Variants in ATP2B1 observed in about 807,000 individuals in gnomAD.
ATP2B1 encodes the protein ATPase plasma membrane Ca2+ transporting 1.
In ATP2B1, 14 loss-of-function variants were observed where a neutral mutation model predicts 124.2. That is an observed-to-expected ratio of 0.11 (90% CI 0.07 to 0.18). The LOEUF (loss-of-function observed/expected upper bound fraction) is 0.18. Among genes scored for constraint, ATP2B1 ranks in the 10% least tolerant of loss-of-function variants. The pLI is 1.00. For missense variants in ATP2B1, 763 were observed against 1,466.1 expected (o/e 0.52, Z 7.83); for synonymous variants, 449 against 492.4 (o/e 0.91, Z 1.17).
At chr12:89,665,017 G>T (rs1386545145) in intron 1 of ATP2B1, among the ~76,000 whole-genome samples, 2 of 152,014 alleles carry the variant, frequency 1.3e-5, no homozygotes, top group African/African-American at 4.8e-5. Flanking sequence ...TTTTAGTAGA[G>T]ATGGGGTTTC....
chr12:89,641,907 G>A (rs1565859463), intron 3 of ATP2B1: 3 of 447,250 alleles, frequency 6.7e-6, no homozygotes. Context: ...ATAGGTCTGT[G>A]CCAGACACAT....
intron 1 of ATP2B1, among the ~76,000 whole-genome samples, chr12:89,687,024 T>A (rs545044186): frequency 1.3e-5 from 2 of 152,066 alleles, no homozygotes; most frequent in African/African-American, 2.4e-5. Context: ...AAAAAAAGGA[T>A]GTGTCTGAGC....
intron 3 of ATP2B1, among the ~76,000 whole-genome samples, chr12:89,636,717 G>T (rs1465009522): frequency 6.6e-6 from 1 of 152,138 alleles, no homozygotes; most frequent in Non-Finnish European, 1.5e-5. Flanking sequence ...AATTGGGGAT[G>T]AAATGGAAGA....
At chr12:89,598,689 G>A (rs910951645) in intron 20 of ATP2B1, 3 of 1,613,858 alleles carry the variant, frequency 1.9e-6, no homozygotes, top group Admixed American at 1.7e-5. Flanking sequence ...GAGGGTTGCC[G>A]CCTTAGAGCC....
At chr12:89,665,283 C>T (rs540671001) in intron 1 of ATP2B1, among the ~76,000 whole-genome samples, 114 of 152,200 alleles carry the variant, frequency 7.5e-4, no homozygotes, top group Non-Finnish European at 1.4e-3. Flanking sequence ...TACATAAACA[C>T]TGCAAATAAT....
intron 1 of ATP2B1, among the ~76,000 whole-genome samples, chr12:89,697,464 T>C (rs1891284296): frequency 6.6e-6 from 1 of 152,156 alleles, no homozygotes; most frequent in South Asian, 2.1e-4. Flanking sequence ...TCACTTCTGC[T>C]TTTGTAAAAA....
intron 2 of ATP2B1, among the ~76,000 whole-genome samples, chr12:89,645,103 G>T (rs945723854): frequency 2.0e-5 from 3 of 152,052 alleles, no homozygotes; most frequent in African/African-American, 4.8e-5. Context: ...ACTCTTTGGG[G>T]GTCAAGGGAG....
At chr12:89,633,165 G>A (rs2136180567) in intron 5 of ATP2B1, among the ~76,000 whole-genome samples, 1 of 152,178 alleles carries the variant, frequency 6.6e-6, no homozygotes, top group East Asian at 1.9e-4. Flanking sequence ...AAGGTAAGTA[G>A]AATGAGTTAA....
At chr12:89,703,068 T>C (rs1039502011) in intron 1 of ATP2B1, among the ~76,000 whole-genome samples, 4 of 152,158 alleles carry the variant, frequency 2.6e-5, no homozygotes, top group African/African-American at 4.8e-5. Flanking sequence ...AAGACTAAGT[T>C]TTGGAACAAA....
intron 1 of ATP2B1, among the ~76,000 whole-genome samples, chr12:89,697,697 T>C (rs1891315325): frequency 6.8e-6 from 1 of 146,104 alleles, no homozygotes; most frequent in African/African-American, 2.5e-5. Context: ...TTTTAAATAT[T>C]AGCAGTCCTC....
At chr12:89,668,196 T>C (rs553665671) in intron 1 of ATP2B1, among the ~76,000 whole-genome samples, 1 of 152,244 alleles carries the variant, frequency 6.6e-6, no homozygotes, top group African/African-American at 2.4e-5. Flanking sequence ...TCCGGAGGTT[T>C]TCTTAAAATT....
chr12:89,653,337 C>T (rs562733923), intron 2 of ATP2B1, among the ~76,000 whole-genome samples: 3 of 133,326 alleles, frequency 2.3e-5, no homozygotes, highest in Non-Finnish European at 4.6e-5. Context: ...TCGCCCAGGC[C>T]GGACTGCGGA....
rs569930384 is a variant in ATP2B1, at chr12:89,609,385, G to C, written c.2442+552C>G. Among the ~76,000 whole-genome samples the C allele has an allele frequency of 9.7e-4, 147 of 152,072 alleles. 1 individual carries two copies. Among genetic ancestry groups the C allele is most frequent in the Middle Eastern group, 6.8e-3 (2 of 294 alleles). ...AGTTTCCTGATAGTTCTAGATTTGA[G>C]AATTGTGATTATGAACCAGTATTTT... is the stretch of plus-strand genomic sequence containing the variant. On this transcript the variant is annotated intron_variant, in intron 15 of 20. Coordinates refer to ENST00000428670, the MANE Select transcript of ATP2B1 (RefSeq NM_001366521.1).
In ATP2B1 at chr12:89,671,865, G is replaced by C. The variant is rs368199174; in HGVS notation, c.-221-15758C>G. Among the ~76,000 whole-genome samples, 3 of 150,466 alleles carry C rather than the reference G, an allele frequency of 2.0e-5. No individual in the cohort carries two copies. In the East Asian group the frequency reaches 5.9e-4, roughly 30 times the overall value. On this transcript the variant is annotated intron_variant, in intron 1 of 20. Coordinates refer to ENST00000428670, the MANE Select transcript of ATP2B1 (RefSeq NM_001366521.1). Reference sequence around the variant, plus strand: ...AAATATGAACCTGAGACAAAAATTAGGTAACTGTAGAAATACTAGGCTACA... The same window carrying C: ...AAATATGAACCTGAGACAAAAATTACGTAACTGTAGAAATACTAGGCTACA...
chr12:89,602,424 C>A (rs1261671934), intron 18 of ATP2B1, among the ~76,000 whole-genome samples: 1 of 152,066 alleles, frequency 6.6e-6, no homozygotes. Flanking sequence ...CTTAAAGTTA[C>A]AATTCCTTTC....
chr12:89,694,931 C>A (rs1329678059), intron 1 of ATP2B1, among the ~76,000 whole-genome samples: 1 of 151,874 alleles, frequency 6.6e-6, no homozygotes, highest in Admixed American at 6.6e-5. Flanking sequence ...GTGGCACATG[C>A]CTATAGTCCC....
At chr12:89,626,001 T>C (rs1300859644) in intron 8 of ATP2B1, among the ~76,000 whole-genome samples, 1 of 152,216 alleles carries the variant, frequency 6.6e-6, no homozygotes, top group African/African-American at 2.4e-5. Flanking sequence ...TATTTTCTAG[T>C]GATGGCAGTA....
intron 5 of ATP2B1, among the ~76,000 whole-genome samples, chr12:89,633,923 A>C (rs1882292146): frequency 1.3e-5 from 2 of 152,172 alleles, no homozygotes; most frequent in Non-Finnish European, 2.9e-5. Context: ...ATACTGGGAA[A>C]ATAAGAATAG....
At chr12:89,626,380 T>A (rs1325910750) in intron 8 of ATP2B1, 74 bp downstream of exon 8, 1 of 1,457,038 alleles carries the variant, frequency 6.9e-7, no homozygotes, top group Admixed American at 2.4e-5. Flanking sequence ...CAGCCTTAAG[T>A]GTGTCAAAAG....
Sources: allele counts gnomAD v4.1 joint callset (sites outside exome capture counted in the v4.1 genomes callset), GRCh38; gene constraint gnomAD v4.1.1; transcripts MANE v1.5; gene names NCBI Gene and HGNC (gene_info 2026-07-23, HGNC 2026-07-21).